The following SLC39A11 variants were observed in gnomAD, a reference collection of about 807,000 sequenced individuals.
SLC39A11 encodes the protein zinc transporter ZIP11.
A neutral mutation model predicts 36.1 loss-of-function variants in SLC39A11; 33 were observed. The ratio of observed to expected loss-of-function variants is 0.91; its 90% CI spans 0.69 to 1.22. The LOEUF is 1.22. Among genes scored for constraint, SLC39A11 ranks in the 50% most tolerant of loss-of-function variants. The probability of loss-of-function intolerance (pLI) is 0.00; values close to 1 mark genes in which losing one functional copy is unlikely to be tolerated. For missense variants in SLC39A11, 432 were observed against 430.3 expected (o/e 1.00, Z -0.03); for synonymous variants, 166 against 170.3 (o/e 0.97, Z 0.20).
intron 7 of SLC39A11, among the ~76,000 whole-genome samples, chr17:72,729,420 T>C (rs2074075527): frequency 1.3e-3 from 3 of 2,334 alleles, no homozygotes; most frequent in Non-Finnish European, 1.9e-3. Context: ...TATATATATA[T>C]ATATATATAT....
At chr17:72,651,831 G>GTCC (rs1353130225) in intron 7 of SLC39A11, among the ~76,000 whole-genome samples, 1 of 152,100 alleles carries the variant, frequency 6.6e-6, no homozygotes, top group Non-Finnish European at 1.5e-5. Context: ...GGAGTGGACA[G>GTCC]ACAAGAAGAC....
chr17:72,673,410 C>G (rs990956057), intron 7 of SLC39A11, among the ~76,000 whole-genome samples: 3 of 152,176 alleles, frequency 2.0e-5, no homozygotes, highest in African/African-American at 7.2e-5. Context: ...GCCTCTTTCT[C>G]TATTTGTATC....
Position 72,849,728 on chromosome 17 carries a change from A to C in SLC39A11, c.507T>G (p.Pro169=). The C allele has an allele frequency of 6.2e-7, 1 of 1,611,708 alleles. No individual in the cohort carries two copies. The highest frequency in any genetic ancestry group is 8.5e-7 in the Non-Finnish European group (1 of 1,179,138). The part of the protein sequence containing the change: ...ATGLPEGPAV[P]VPSRGNLAQP... ...GTGCCAGATTCCCTCGAGAAGGCACAGGGACAGCAGGACCCTCTGGAAGGC... is the reference window on the plus strand; with the variant it reads ...GTGCCAGATTCCCTCGAGAAGGCACCGGGACAGCAGGACCCTCTGGAAGGC... Residue 169 remains proline, a synonymous_variant, in exon 6 of 10, where the codon CCT becomes CCG. Coordinates refer to ENST00000255559, the MANE Select transcript of SLC39A11 (RefSeq NM_139177.4).
At chr17:72,908,544 C>T (rs1026099906) in intron 5 of SLC39A11, among the ~76,000 whole-genome samples, 82 of 152,296 alleles carry the variant, frequency 5.4e-4, no homozygotes, top group African/African-American at 1.8e-3. Context: ...CCCCGGCTTG[C>T]CAGGCTGGTT....
chr17:72,984,085 C>T (rs549927158), intron 4 of SLC39A11, among the ~76,000 whole-genome samples: 10 of 152,180 alleles, frequency 6.6e-5, no homozygotes, highest in Non-Finnish European at 1.0e-4. Flanking sequence ...GGGCTGGAAT[C>T]GTGGAGTGAT....
intron 5 of SLC39A11, among the ~76,000 whole-genome samples, chr17:72,934,037 A>T (rs2147476677): frequency 6.6e-6 from 1 of 152,304 alleles, no homozygotes; most frequent in South Asian, 2.1e-4. Context: ...ATATGAAAAA[A>T]AAAAACTCAA....
At chr17:72,812,736 A>T (rs148951014) in intron 6 of SLC39A11, among the ~76,000 whole-genome samples, 211 of 152,346 alleles carry the variant, frequency 1.4e-3, no homozygotes, top group Non-Finnish European at 2.5e-3. Context: ...ATGGATGAAA[A>T]CTACAATGAC....
At chr17:72,893,967 G>A (rs2081894607) in intron 5 of SLC39A11, among the ~76,000 whole-genome samples, 1 of 152,132 alleles carries the variant, frequency 6.6e-6, no homozygotes, top group Admixed American at 6.6e-5. Context: ...ACAGACAGGT[G>A]CTGTATAGTG....
chr17:72,886,231 T>C (rs4969124), intron 5 of SLC39A11, among the ~76,000 whole-genome samples: 79,270 of 152,072 alleles, frequency 0.52, 22,594 homozygotes, highest in African/African-American at 0.75. Flanking sequence ...TCTCAACCAA[T>C]CTCATGACTT....
intron 2 of SLC39A11, among the ~76,000 whole-genome samples, chr17:73,087,315 G>T (rs1211199413): frequency 2.0e-5 from 3 of 152,158 alleles, no homozygotes; most frequent in East Asian, 1.9e-4. Flanking sequence ...GGATTTTATT[G>T]TTGAAATCAA....
intron 4 of SLC39A11, among the ~76,000 whole-genome samples, chr17:73,020,238 G>A (rs2058296974): frequency 6.6e-6 from 1 of 152,196 alleles, no homozygotes; most frequent in African/African-American, 2.4e-5. Context: ...CCAGTGGGAT[G>A]GGAAGCTTTT....
intron 6 of SLC39A11, among the ~76,000 whole-genome samples, chr17:72,836,199 A>G (rs2078535976): frequency 6.6e-6 from 1 of 152,234 alleles, no homozygotes; most frequent in African/African-American, 2.4e-5. Context: ...AAAAGCAAGA[A>G]GCATTTCCTG....
chr17:72,710,512 G>A lies in SLC39A11; in HGVS notation c.671+26138C>T, dbSNP rs563135238. Among the ~76,000 whole-genome samples the A allele has an allele frequency of 3.3e-5, 5 of 152,308 alleles. No individual in the cohort carries two copies. In the East Asian group the frequency reaches 5.8e-4, roughly 18 times the overall value. On this transcript the variant is annotated intron_variant, in intron 7 of 9. Coordinates refer to ENST00000255559, the MANE Select transcript of SLC39A11 (RefSeq NM_139177.4). ...AGTCTTTTTTGCCCTCTTGCCATAT[G>A]AGGACACAACAAGGTGCCATTTGTG...
At chr17:72,827,424 G>A (rs1486479701) in intron 6 of SLC39A11, among the ~76,000 whole-genome samples, 1 of 152,088 alleles carries the variant, frequency 6.6e-6, no homozygotes, top group African/African-American at 2.4e-5. Flanking sequence ...TTATAGTGGT[G>A]GTTGCACAAT....
intron 5 of SLC39A11, among the ~76,000 whole-genome samples, chr17:72,899,031 C>A (rs1485365505): frequency 2.6e-5 from 3 of 114,720 alleles, no homozygotes; most frequent in Non-Finnish European, 3.7e-5. Context: ...AGTAATTCGG[C>A]TGCACTCTCC....
chr17:72,669,759 T>G (rs1401573456), intron 7 of SLC39A11, among the ~76,000 whole-genome samples: 3 of 152,002 alleles, frequency 2.0e-5, no homozygotes, highest in East Asian at 1.9e-4. Flanking sequence ...TTTGAGAGAC[T>G]GAGGGGGGCA....
At chr17:72,735,917 T>C (rs185296473) in intron 7 of SLC39A11, among the ~76,000 whole-genome samples, 1 of 152,104 alleles carries the variant, frequency 6.6e-6, no homozygotes, top group Non-Finnish European at 1.5e-5. Context: ...GTATGGAAGG[T>C]GAGGGAAAAC....
At position 72,921,921 on chromosome 17, in the gene SLC39A11, A is replaced by T. The variant is rs969350553; in HGVS notation, c.430+25831T>A. ...GTGAGGCTTAGAAGCTACAAATAAC[A>T]GTATATGTCAAGCTCTGTTGCTAGT... On this transcript the variant is annotated intron_variant, in intron 5 of 9. Transcript: ENST00000255559. Among the ~76,000 whole-genome samples the T allele has an allele frequency of 2.6e-5, 4 of 152,252 alleles. 1 individual carries two copies. Among genetic ancestry groups the T allele is most frequent in the Non-Finnish European group, 5.9e-5 (4 of 68,046 alleles).
intron 4 of SLC39A11, among the ~76,000 whole-genome samples, chr17:72,970,936 C>T (rs887847953): frequency 1.3e-5 from 2 of 152,212 alleles, no homozygotes; most frequent in East Asian, 3.9e-4. Context: ...TTGCACGGCA[C>T]CTCCGCTGGG....
Sources: allele counts gnomAD v4.1 joint callset (sites outside exome capture counted in the v4.1 genomes callset), GRCh38; gene constraint gnomAD v4.1.1; transcripts MANE v1.5; gene names NCBI Gene and HGNC (gene_info 2026-07-23, HGNC 2026-07-21).